Variants in EDA observed in about 807,000 individuals in gnomAD.
The protein encoded by EDA is ectodysplasin A.
Under a neutral mutation model 23.6 loss-of-function variants are expected in EDA, and 2 were observed. That is an observed-to-expected ratio of 0.08 (90% confidence interval 0.03 to 0.27). The LOEUF (loss-of-function observed/expected upper bound fraction) is 0.27. EDA is among the 10% of genes least tolerant of loss of function. EDA has a pLI of 1.00. For missense variants in EDA, 229 were observed against 324.2 expected (o/e 0.71, Z 2.26); for synonymous variants, 131 against 132.0 (o/e 0.99, Z 0.05).
intron 1 of EDA, among the ~76,000 whole-genome samples, chrX:69,787,551 A>T (rs2015236386): frequency 9.7e-6 from 1 of 103,269 alleles, no homozygotes; most frequent in African/African-American, 3.5e-5. Flanking sequence ...TCACTTATGA[A>T]GCTTAGTTTG....
At chrX:69,919,751 A>C (rs745999904) in intron 1 of EDA, among the ~76,000 whole-genome samples, 39 of 112,311 alleles carry the variant, frequency 3.5e-4, no homozygotes, top group Non-Finnish European at 6.0e-4. Context: ...TGGATCTCCA[A>C]TAATAAACTT....
intron 1 of EDA, among the ~76,000 whole-genome samples, chrX:69,789,852 A>G (rs775447252): frequency 3.6e-5 from 4 of 112,308 alleles, no homozygotes; most frequent in African/African-American, 9.7e-5. Flanking sequence ...CTGATGGCAA[A>G]TCTTTTCTAA....
At chrX:69,745,159 A>C (rs188072081) in intron 1 of EDA, among the ~76,000 whole-genome samples, 2 of 111,580 alleles carry the variant, frequency 1.8e-5, no homozygotes, top group Admixed American at 9.5e-5. Flanking sequence ...TTCACATACT[A>C]ATTAACATAT....
chrX:69,640,583 C>T (rs1932829180), intron 1 of EDA, among the ~76,000 whole-genome samples: 1 of 110,959 alleles, frequency 9.0e-6, no homozygotes, highest in Non-Finnish European at 1.9e-5. Context: ...CCATCTTCCC[C>T]TCTCATAAGT....
intron 1 of EDA, among the ~76,000 whole-genome samples, chrX:69,751,216 G>GT: frequency 0.013 from 1 of 76 alleles, no homozygotes; most frequent in Admixed American, 0.059. Context: ...GTGTAAGGAA[G>GT]GATCCAGTTT....
At chrX:69,727,541 C>A (rs769068813) in intron 1 of EDA, among the ~76,000 whole-genome samples, 1 of 112,192 alleles carries the variant, frequency 8.9e-6, no homozygotes, top group Admixed American at 9.4e-5. Context: ...GAACTAATTC[C>A]ATTTATGAGG....
At chrX:69,706,710 A>G (rs2011737706) in intron 1 of EDA, among the ~76,000 whole-genome samples, 1 of 112,195 alleles carries the variant, frequency 8.9e-6, no homozygotes, top group Non-Finnish European at 1.9e-5. Flanking sequence ...AGTTATCAAT[A>G]GAAAGGAATG....
chrX:69,960,545 C>G (rs975387239), intron 2 of EDA, among the ~76,000 whole-genome samples: 8 of 110,735 alleles, frequency 7.2e-5, no homozygotes, highest in Non-Finnish European at 1.3e-4. Context: ...AATAAGATGA[C>G]TCTCTTTTGT....
intron 1 of EDA, among the ~76,000 whole-genome samples, chrX:69,854,100 G>T (rs1032237517): frequency 9.0e-6 from 1 of 111,207 alleles, no homozygotes; most frequent in East Asian, 2.8e-4. Context: ...CGTCACTCAG[G>T]TATTAAGCCT....
chrX:69,784,426 T>G (rs2147453846), intron 1 of EDA, among the ~76,000 whole-genome samples: 1 of 96,181 alleles, frequency 1.0e-5, no homozygotes, highest in East Asian at 3.2e-4. Context: ...TGGTTTTAGG[T>G]CTAACATTTA....
intron 1 of EDA, among the ~76,000 whole-genome samples, chrX:69,751,324 C>G (rs1198846115): frequency 8.9e-6 from 1 of 112,005 alleles, no homozygotes; most frequent in Non-Finnish European, 1.9e-5. Context: ...TGTCAAAGAT[C>G]AGATGGTTGT....
chrX:69,731,878 T>A (rs1435383852), intron 1 of EDA, among the ~76,000 whole-genome samples: 1 of 112,060 alleles, frequency 8.9e-6, no homozygotes, highest in African/African-American at 3.2e-5. Flanking sequence ...CCATTAAATA[T>A]CATGTTAGCT....
rs937362986 is a variant in EDA at position 70,033,653 on chromosome X, G to T, written c.924+125G>T. On this transcript the variant is annotated intron_variant, in intron 7 of 7. Coordinates refer to ENST00000374552, the MANE Select transcript of EDA (RefSeq NM_001399.5). ...CTAACTTCCTGCTTTGGGTGAGGGG[G>T]TGGGGGGACCGCACTGGGAGGGAGT... The T allele has an allele frequency of 3.6e-6, 3 of 822,454 alleles. No individual in the cohort carries two copies. In the African/African-American group the frequency reaches 6.0e-5, roughly 16 times the overall value. 67.8% of individuals were successfully genotyped at this position (822,454 alleles called of 1,213,427 possible).
At chrX:69,943,397 G>A (rs867738440) in intron 1 of EDA, among the ~76,000 whole-genome samples, 1 of 111,841 alleles carries the variant, frequency 8.9e-6, no homozygotes, top group Non-Finnish European at 1.9e-5. Context: ...GCCACCCCAA[G>A]CCCAATAATG....
intron 1 of EDA, among the ~76,000 whole-genome samples, chrX:69,677,766 C>T (rs1225946649): frequency 1.8e-5 from 2 of 111,501 alleles, no homozygotes; most frequent in Admixed American, 9.5e-5. Context: ...TTCTCCCATT[C>T]TGTAGGTTGC....
At chrX:69,682,106 T>TG (rs780447138) in intron 1 of EDA, among the ~76,000 whole-genome samples, 18 of 111,124 alleles carry the variant, frequency 1.6e-4, no homozygotes, top group East Asian at 2.8e-4. Context: ...CTGCCCCTGC[T>TG]GGGGGTGCCT....
chrX:69,933,567 C>T (rs1447557624), intron 1 of EDA, among the ~76,000 whole-genome samples: 1 of 110,755 alleles, frequency 9.0e-6, no homozygotes, highest in Admixed American at 9.6e-5. Context: ...ATCCCAGATA[C>T]TCAGGAGGCT....
chrX:69,698,968 C>T (rs752390072), intron 1 of EDA, among the ~76,000 whole-genome samples: 11 of 111,503 alleles, frequency 9.9e-5, no homozygotes, highest in Non-Finnish European at 1.9e-4. Context: ...AAAGTACAGA[C>T]AAAGACTAGA....
At chrX:69,805,965 A>G (rs899323811) in intron 1 of EDA, among the ~76,000 whole-genome samples, 1 of 111,760 alleles carries the variant, frequency 8.9e-6, no homozygotes, top group Non-Finnish European at 1.9e-5. Flanking sequence ...ACTACCTACT[A>G]TGTGCAAGAC....
Sources: allele counts gnomAD v4.1 joint callset (sites outside exome capture counted in the v4.1 genomes callset), GRCh38; gene constraint gnomAD v4.1.1; transcripts MANE v1.5; gene names NCBI Gene and HGNC (gene_info 2026-07-23, HGNC 2026-07-21).